Variants in CEP170 observed in about 807,000 individuals in gnomAD.
The protein encoded by CEP170 is centrosomal protein of 170 kDa.
CEP170 carries 21 observed loss-of-function variants against 151.9 expected under a neutral mutation model. The observed-to-expected ratio is 0.14, with a 90% CI of 0.10 to 0.20. The LOEUF (loss-of-function observed/expected upper bound fraction) is 0.20, where lower values mean the gene tolerates loss of function less well. Among genes scored for constraint, CEP170 ranks in the 10% least tolerant of loss-of-function variants. The pLI, the probability that CEP170 is intolerant of heterozygous loss-of-function variation, is 1.00. For missense variants in CEP170, 964 were observed against 1,892.9 expected, an observed-to-expected ratio of 0.51 and a Z score of 9.11; for synonymous variants, 356 against 648.8, an observed-to-expected ratio of 0.55 and a Z score of 6.86.
intron 16 of CEP170, among the ~76,000 whole-genome samples, chr1:243,138,727 A>G (rs1011610579): frequency 6.6e-6 from 1 of 151,780 alleles, no homozygotes; most frequent in Non-Finnish European, 1.5e-5. Context: ...TTCACTTTTC[A>G]GCTGATGTAA....
At chr1:243,175,517 T>C (rs1366849915) in intron 10 of CEP170, among the ~76,000 whole-genome samples, 1 of 152,186 alleles carries the variant, frequency 6.6e-6, no homozygotes, top group Non-Finnish European at 1.5e-5. Flanking sequence ...AACTTTTATG[T>C]GAAAACAAAT....
At chr1:243,137,542 T>A (rs1473853502) in intron 16 of CEP170, among the ~76,000 whole-genome samples, 1 of 152,026 alleles carries the variant, frequency 6.6e-6, no homozygotes, top group Non-Finnish European at 1.5e-5. Context: ...TTTGGGAGGC[T>A]GGGGTGGGTG....
intron 19 of CEP170, among the ~76,000 whole-genome samples, chr1:243,126,997 T>C (rs2728281): frequency 6.6e-6 from 1 of 152,130 alleles, no homozygotes; most frequent in Non-Finnish European, 1.5e-5. Context: ...TATTTGAAGA[T>C]GTGGAATTCA....
intron 14 of CEP170, among the ~76,000 whole-genome samples, chr1:243,148,085 A>C (rs2056700644): frequency 6.6e-6 from 1 of 152,056 alleles, no homozygotes; most frequent in Non-Finnish European, 1.5e-5. Flanking sequence ...AGGCTGAGGC[A>C]GGAGAATCCT....
chr1:243,176,853 C>T (rs1019225134), intron 10 of CEP170: 2 of 398,008 alleles, frequency 5.0e-6, no homozygotes, highest in African/African-American at 2.1e-5. Context: ...GTAATTAAAA[C>T]CAAATATCCA....
At chr1:243,130,972 G>T (rs570364328) in intron 17 of CEP170, among the ~76,000 whole-genome samples, 3 of 152,226 alleles carry the variant, frequency 2.0e-5, no homozygotes, top group Admixed American at 6.5e-5. Context: ...CTATTTCATG[G>T]ACCAGCTTAG....
intron 8 of CEP170, among the ~76,000 whole-genome samples, chr1:243,188,105 C>A (rs2789131): frequency 0.97 from 147,920 of 152,112 alleles, 72,068 homozygotes; most frequent in East Asian, 1. Context: ...AAACAAACTC[C>A]TTAGTTCAAA....
intron 4 of CEP170, among the ~76,000 whole-genome samples, chr1:243,209,972 C>T (rs555906494): frequency 1.8e-3 from 276 of 152,234 alleles, no homozygotes; most frequent in African/African-American, 6.6e-3. Context: ...GGATTACAGG[C>T]ATGAGCCACC....
At chr1:243,187,723 T>C (rs530408318) in intron 8 of CEP170, among the ~76,000 whole-genome samples, 8 of 152,256 alleles carry the variant, frequency 5.3e-5, no homozygotes, top group African/African-American at 1.2e-4. Flanking sequence ...CTAATGAATT[T>C]AGAGATTACT....
rs574769030 is a variant in CEP170, at chr1:243,183,049, G to C, written c.1566+2730C>G. Among the ~76,000 whole-genome samples, 391 of 151,702 alleles carry C rather than the reference G, an allele frequency of 2.6e-3. 2 individuals carry two copies. Among genetic ancestry groups the C allele is most frequent in the South Asian group, 0.013 (62 of 4,804 alleles). Reference sequence around the variant, plus strand: ...CTCTGAAGACCTGAGATCTCCTCTTGGAAGCTATTGGTAGCTTTCCTCCAA... The same window carrying C: ...CTCTGAAGACCTGAGATCTCCTCTTCGAAGCTATTGGTAGCTTTCCTCCAA... On this transcript the variant is annotated intron_variant, in intron 10 of 19. Transcript: ENST00000366542.
At chr1:243,232,910 T>C (rs1056310414) in intron 1 of CEP170, among the ~76,000 whole-genome samples, 10 of 152,222 alleles carry the variant, frequency 6.6e-5, no homozygotes, top group African/African-American at 2.4e-4. Context: ...CAATGTTTCA[T>C]CTACAGTGAG....
chr1:243,229,597 A>G (rs2149048649), intron 1 of CEP170, among the ~76,000 whole-genome samples: 1 of 152,300 alleles, frequency 6.6e-6, no homozygotes, highest in South Asian at 2.1e-4. Flanking sequence ...CAACAGCTCC[A>G]AGAAGCAGCC....
intron 3 of CEP170, among the ~76,000 whole-genome samples, chr1:243,218,573 G>C (rs578212050): frequency 1.3e-5 from 2 of 152,310 alleles, no homozygotes; most frequent in South Asian, 4.1e-4. Context: ...TTCTGGGCTA[G>C]GGTGAAAGGG....
intron 1 of CEP170, among the ~76,000 whole-genome samples, chr1:243,226,718 A>G (rs1041307031): frequency 6.6e-6 from 1 of 152,198 alleles, no homozygotes; most frequent in Non-Finnish European, 1.5e-5. Flanking sequence ...GGCTAGGCAC[A>G]GTGGCTCACG....
chr1:243,232,843 AG>A (rs1244802569), intron 1 of CEP170, among the ~76,000 whole-genome samples: 1 of 152,228 alleles, frequency 6.6e-6, no homozygotes, highest in East Asian at 1.9e-4. Flanking sequence ...ATTCTAAACC[AG>A]CACAGAGCTG....
At chr1:243,209,652 TATATA>T (rs945649830) in intron 4 of CEP170, among the ~76,000 whole-genome samples, 20 of 152,152 alleles carry the variant, frequency 1.3e-4, no homozygotes, top group Admixed American at 2.0e-4. Flanking sequence ...TAAAATTACG[TATATA>T]ATATAATTTC....
chr1:243,182,502 C>T (rs1339389114), intron 10 of CEP170, among the ~76,000 whole-genome samples: 2 of 152,028 alleles, frequency 1.3e-5, no homozygotes, highest in African/African-American at 2.4e-5. Flanking sequence ...GTGCTTCTGG[C>T]ATTTCCAATG....
rs538529364 is a variant in CEP170, at chr1:243,152,656, C to T, written c.3911+3565G>A. On this transcript the variant is annotated intron_variant, in intron 14 of 19. Coordinates refer to ENST00000366542, the MANE Select transcript of CEP170 (RefSeq NM_014812.3). Reference sequence around the variant, plus strand: ...AAACAATTCTCCTGCCTCAGCCTCCCGAGTAGCTGGGACTACAGGCACGTA... The same window carrying T: ...AAACAATTCTCCTGCCTCAGCCTCCTGAGTAGCTGGGACTACAGGCACGTA... Among the ~76,000 whole-genome samples the T allele has an allele frequency of 2.5e-4, 37 of 150,270 alleles. 1 individual carries two copies. The East Asian group carries it at 6.9e-3, about 28-fold the overall frequency.
intron 2 of CEP170, 111 bp from the exon 3 acceptor site, chr1:243,221,924 A>G: frequency 1.1e-6 from 1 of 897,064 alleles, no homozygotes; most frequent in Non-Finnish European, 1.6e-6. Flanking sequence ...GGGAAATATC[A>G]AAGTAAGTGT....
Sources: gnomAD v4.1 joint callset for allele counts (sites outside exome capture counted in the v4.1 genomes callset) on GRCh38, gnomAD v4.1.1 for gene constraint, MANE v1.5 for transcripts, NCBI Gene and HGNC (gene_info 2026-07-23, HGNC 2026-07-21) for gene names.